NOVA2: variants seen among roughly 807,000 people sequenced by gnomAD.
NOVA2 encodes NOVA alternative splicing regulator 2.
A neutral mutation model predicts 22.5 loss-of-function variants in NOVA2; 9 were observed. The ratio of observed to expected loss-of-function variants is 0.40; its 90% CI spans 0.24 to 0.70. The LOEUF (loss-of-function observed/expected upper bound fraction) is 0.70, where lower values mean the gene tolerates loss of function less well. NOVA2 is among the 30% of genes least tolerant of loss of function. The pLI is 0.38. For synonymous variants in NOVA2, 318 were observed against 335.2 expected (o/e 0.95, Z 0.56); for missense variants, 383 against 682.8 (o/e 0.56, Z 4.89).
intron 3 of NOVA2, among the ~76,000 whole-genome samples, chr19:45,949,041 A>G (rs932371501): frequency 1.9e-4 from 29 of 152,206 alleles, no homozygotes; most frequent in African/African-American, 7.0e-4. Flanking sequence ...ACAAAAGACC[A>G]TATATTATAT....
In NOVA2 at chr19:45,939,216, C is replaced by T. The variant is rs1277387685; in HGVS notation, c.*647G>A. 31 of 152,320 alleles carry T rather than the reference C, an allele frequency of 2.0e-4. 1 individual carries two copies. The highest frequency in any genetic ancestry group is 2.0e-3 in the Admixed American group (31 of 15,290). 9.4% of individuals were successfully genotyped at this position (152,320 alleles called of 1,614,324 possible). A position where few individuals can be genotyped will look rare whatever the true frequency, so the allele number is the denominator to read the frequency against. On this transcript the variant is annotated 3_prime_UTR_variant, in exon 4 of 4. Transcript: ENST00000263257. ...TACAACCTGACAACAAAAGAGTGAA[C>T]ATTCCCACCTAGGAGGGACAGCTCC...
In NOVA2 at chr19:45,964,348, TTGTGTGTGTGTGTGTG is replaced by T. The variant is rs57818599; in HGVS notation, c.86-3211_86-3196del. Among the ~76,000 whole-genome samples the T allele has an allele frequency of 2.3e-3, 270 of 119,566 alleles. 3 individuals are homozygous for T. The highest frequency in any genetic ancestry group is 8.0e-3 in the Middle Eastern group (2 of 250). 78.4% of individuals were successfully genotyped at this position (119,566 alleles called of 152,430 possible). On this transcript the variant is annotated intron_variant, in intron 1 of 3. Transcript: ENST00000263257. ...GTGCCCACAACCATGCCCGGCTAATTTGTGTGTGTGTGTGTGTGTGTGTGTGTGTGTGTGTGTGTGT... is the reference window on the plus strand; with the variant it reads ...GTGCCCACAACCATGCCCGGCTAATTTGTGTGTGTGTGTGTGTGTGTGTGT...
Position 45,936,329 on chromosome 19 carries a change from G to T in NOVA2, c.*3534C>A, listed in dbSNP as rs1252731057. 2 of 152,056 alleles carry T rather than the reference G, an allele frequency of 1.3e-5. No individual in the cohort carries two copies. The highest frequency in any genetic ancestry group is 4.8e-5 in the African/African-American group (2 of 41,414). The allele number at this position is 152,056 out of a possible 1,614,324, so 9.4% of individuals were successfully genotyped here. A position where few individuals can be genotyped will look rare whatever the true frequency, so the allele number is the denominator to read the frequency against. On this transcript the variant is annotated 3_prime_UTR_variant, in exon 4 of 4. Coordinates refer to ENST00000263257, the MANE Select transcript of NOVA2 (RefSeq NM_002516.4). ...GGTGGAATTTGGGGGGACCCAAAAG[G>T]ATAGGGGTAAGTTGAAAAGGAGAGC...
intron 2 of NOVA2, among the ~76,000 whole-genome samples, chr19:45,957,935 A>G (rs1272688168): frequency 5.9e-5 from 9 of 151,652 alleles, no homozygotes; most frequent in Non-Finnish European, 1.3e-4. Context: ...TGTCTCTACT[A>G]AAATACAAAA....
intron 1 of NOVA2, among the ~76,000 whole-genome samples, chr19:45,969,520 A>G (rs1047483884): frequency 1.1e-4 from 16 of 149,198 alleles, no homozygotes; most frequent in Non-Finnish European, 4.4e-5. Flanking sequence ...AAAAAAAAAA[A>G]AAAAAAAAAA....
intron 1 of NOVA2, among the ~76,000 whole-genome samples, chr19:45,961,952 G>T (rs1281220714): frequency 1.3e-5 from 2 of 152,188 alleles, no homozygotes; most frequent in East Asian, 3.9e-4. Flanking sequence ...TGAGAGAGGG[G>T]AAGAATGGGA....
intron 1 of NOVA2, among the ~76,000 whole-genome samples, chr19:45,962,815 T>C (rs1968115324): frequency 6.6e-6 from 1 of 151,510 alleles, no homozygotes; most frequent in South Asian, 2.1e-4. Context: ...CGTGGCTAAT[T>C]TTTTGTATTT....
chr19:45,941,309 A>AATAT (rs4039577), intron 3 of NOVA2, among the ~76,000 whole-genome samples: 1,928 of 129,786 alleles, frequency 0.015, 20 homozygotes, highest in African/African-American at 0.028. Context: ...AAAATAAAAT[A>AATAT]ATATATATAT....
At position 45,935,140 on chromosome 19, in the gene NOVA2, G is replaced by A. The variant is rs1183739450; in HGVS notation, c.*4723C>T. ...TGGGGGGAGAGGTGGGGTAGGGAAAGGGGTGGGGGAGGGGGGGTTAGGCAG... is the reference window on the plus strand; with the variant it reads ...TGGGGGGAGAGGTGGGGTAGGGAAAAGGGTGGGGGAGGGGGGGTTAGGCAG... On this transcript the variant is annotated 3_prime_UTR_variant, in exon 4 of 4. Transcript: ENST00000263257. 6.7e-6 allele frequency: 1 copy of A among 149,360 alleles called. No individual in the cohort carries two copies. The highest frequency in any genetic ancestry group is 1.5e-5 in the Non-Finnish European group (1 of 67,248). The allele number at this position is 149,360 out of a possible 1,614,324, so 9.3% of individuals were successfully genotyped here.
At chr19:45,958,409 GGTGT>G (rs750912559) in intron 2 of NOVA2, among the ~76,000 whole-genome samples, 22 of 151,648 alleles carry the variant, frequency 1.5e-4, no homozygotes, top group Admixed American at 3.3e-4. Context: ...GTGTGAGTGG[GGTGT>G]GTGTGAGTGT....
chr19:45,973,207 G>C, intron 1 of NOVA2, 60 bp downstream of exon 1: 1 of 934,400 alleles, frequency 1.1e-6, no homozygotes, highest in Non-Finnish European at 1.5e-6. Flanking sequence ...GGGGGGAAAG[G>C]ATGGAGAAAG....
chr19:45,958,634 CGTGT>C (rs1363353719), intron 2 of NOVA2, among the ~76,000 whole-genome samples: 1 of 150,026 alleles, frequency 6.7e-6, no homozygotes, highest in Non-Finnish European at 1.5e-5. Context: ...TGAGTGTGAG[CGTGT>C]GAGACTGTGT....
At chr19:45,941,762 A>G (rs1056947458) in intron 3 of NOVA2, among the ~76,000 whole-genome samples, 1 of 152,162 alleles carries the variant, frequency 6.6e-6, no homozygotes, top group Non-Finnish European at 1.5e-5. Context: ...AAAAATTGAA[A>G]TATATCCACA....
At chr19:45,959,596 A>C (rs1033410920) in intron 2 of NOVA2, among the ~76,000 whole-genome samples, 3 of 151,492 alleles carry the variant, frequency 2.0e-5, no homozygotes, top group Admixed American at 6.6e-5. Context: ...CCAGGGTGGA[A>C]GAGAAAAGGA....
At chr19:45,954,594 G>C (rs930452923) in intron 2 of NOVA2, among the ~76,000 whole-genome samples, 3 of 152,014 alleles carry the variant, frequency 2.0e-5, no homozygotes, top group Admixed American at 1.3e-4. Flanking sequence ...GAGGGCAGGG[G>C]TGTGGACAGG....
At chr19:45,968,918 G>A (rs989187087) in intron 1 of NOVA2, among the ~76,000 whole-genome samples, 1 of 151,526 alleles carries the variant, frequency 6.6e-6, no homozygotes, top group African/African-American at 2.4e-5. Flanking sequence ...CAGCACTTTA[G>A]GAGGCCTAGG....
chr19:45,936,629 C>T lies in NOVA2; in HGVS notation c.*3234G>A, dbSNP rs1967657024. The T allele has an allele frequency of 6.8e-6, 1 of 147,794 alleles. No individual in the cohort carries two copies. The highest frequency in any genetic ancestry group is 2.6e-5 in the African/African-American group (1 of 39,062). The allele number at this position is 147,794 out of a possible 1,614,324, so 9.2% of individuals were successfully genotyped here. ...GAGACATTTGAGGAAAGGAGGAAGA[C>T]AGACAAAGACTAAGATAGAGACAGG... On this transcript the variant is annotated 3_prime_UTR_variant, in exon 4 of 4. Coordinates refer to ENST00000263257, the MANE Select transcript of NOVA2 (RefSeq NM_002516.4).
intron 1 of NOVA2, among the ~76,000 whole-genome samples, chr19:45,964,893 T>A (rs558980420): frequency 6.1e-4 from 93 of 152,210 alleles, no homozygotes; most frequent in Non-Finnish European, 1.1e-3. Flanking sequence ...AAGTTCTGTG[T>A]TCCCTTATGT....
At chr19:45,969,749 T>C in intron 1 of NOVA2, among the ~76,000 whole-genome samples, 1 of 152,012 alleles carries the variant, frequency 6.6e-6, no homozygotes, top group Non-Finnish European at 1.5e-5. Context: ...CTGGGGTCAT[T>C]TATTTCTGCA....
Sources: allele counts gnomAD v4.1 joint callset (sites outside exome capture counted in the v4.1 genomes callset), GRCh38; gene constraint gnomAD v4.1.1; transcripts MANE v1.5; gene names NCBI Gene and HGNC (gene_info 2026-07-23, HGNC 2026-07-21).